Variants in TENM4 observed in about 807,000 individuals in gnomAD.
TENM4 encodes teneurin-4.
In TENM4, 82 loss-of-function variants were observed where a neutral mutation model predicts 243.3. The ratio of observed to expected loss-of-function variants is 0.34; its 90% CI spans 0.28 to 0.40. The LOEUF (loss-of-function observed/expected upper bound fraction) is 0.40. Ranked by LOEUF, TENM4 falls within the 10% of genes least tolerant of loss-of-function variation. The pLI, the probability that TENM4 is intolerant of heterozygous loss-of-function variation, is 1.00. For synonymous variants in TENM4, 1,412 were observed against 1,456.3 expected (o/e 0.97, Z 0.69); for missense variants, 3,138 against 3,673.3 (o/e 0.85, Z 3.77).
chr11:78,761,252 T>G (rs1856424816), intron 18 of TENM4, among the ~76,000 whole-genome samples: 1 of 151,950 alleles, frequency 6.6e-6, no homozygotes, highest in Non-Finnish European at 1.5e-5. Context: ...TTTTTCTTTT[T>G]TTTTTGAGAC....
At chr11:79,031,729 G>GC (rs1230767628) in intron 6 of TENM4, among the ~76,000 whole-genome samples, 5 of 152,216 alleles carry the variant, frequency 3.3e-5, no homozygotes, top group Non-Finnish European at 5.9e-5. Flanking sequence ...GGTTGGACAT[G>GC]CCCTCCCTTA....
At chr11:78,988,032 C>T (rs566589505) in intron 6 of TENM4, among the ~76,000 whole-genome samples, 39 of 152,278 alleles carry the variant, frequency 2.6e-4, no homozygotes, top group African/African-American at 9.1e-4. Context: ...ATATTCACGC[C>T]CTTGTATAAT....
At position 78,786,928 on chromosome 11, in the gene TENM4, G is replaced by A. The variant is rs1342210550; in HGVS notation, c.2335C>T (p.Pro779Ser). The A allele has an allele frequency of 6.2e-7, 1 of 1,609,088 alleles. No homozygotes were observed. The highest frequency in any genetic ancestry group is 8.5e-7 in the Non-Finnish European group (1 of 1,178,154). ...GTGCAGTGTTCGCCATTCCAGCCAG[G>A]GCTGCACTCGCACTTGCCGTCGCGG... ...TCRDGKCECS[P>S]GWNGEHCTIA... The change falls in exon 16 of 34, where the codon CCT becomes TCT. Residue 779 changes from proline to serine, a missense_variant. Pro to Ser is a moderately conservative substitution (Grantham distance 74). Coordinates refer to ENST00000278550, the MANE Select transcript of TENM4 (RefSeq NM_001098816.3).
At chr11:79,420,119 C>T (rs1478922521) in intron 1 of TENM4, among the ~76,000 whole-genome samples, 1 of 152,202 alleles carries the variant, frequency 6.6e-6, no homozygotes, top group African/African-American at 2.4e-5. Flanking sequence ...TCTTTTAGCT[C>T]CTTCAAGGAT....
At chr11:79,189,939 C>G (rs949785209) in intron 3 of TENM4, among the ~76,000 whole-genome samples, 7 of 152,188 alleles carry the variant, frequency 4.6e-5, no homozygotes, top group African/African-American at 1.4e-4. Context: ...AGAAATGCTT[C>G]AGAGGCAGTC....
intron 14 of TENM4, among the ~76,000 whole-genome samples, chr11:78,808,391 C>T (rs1857433650): frequency 1.3e-5 from 2 of 152,156 alleles, no homozygotes; most frequent in South Asian, 4.1e-4. Context: ...CTCTTCTCTG[C>T]CATATTTTGC....
Position 79,324,808 on chromosome 11 carries a change from A to G in TENM4, c.-320-27265T>C, listed in dbSNP as rs374052811. Among the ~76,000 whole-genome samples, 132 of 152,302 alleles carry G rather than the reference A, an allele frequency of 8.7e-4. 8 individuals carry two copies. In the South Asian group the frequency reaches 0.018, roughly 21 times the overall value. The stretch of plus-strand genomic sequence containing the variant: ...CTGCTGTCCCCCGGAGGCCATCTCC[A>G]TCAAGGGTTCATAGCAGAGGACACA... On this transcript the variant is annotated intron_variant, in intron 1 of 33. Coordinates refer to ENST00000278550, the MANE Select transcript of TENM4 (RefSeq NM_001098816.3).
chr11:79,429,174 G>T (rs1859115897), intron 1 of TENM4, among the ~76,000 whole-genome samples: 1 of 152,156 alleles, frequency 6.6e-6, no homozygotes, highest in African/African-American at 2.4e-5. Context: ...TTTGAGCCAG[G>T]ATCTGCTGTC....
intron 18 of TENM4, among the ~76,000 whole-genome samples, chr11:78,769,271 C>T (rs1449613744): frequency 6.6e-6 from 1 of 152,200 alleles, no homozygotes; most frequent in Non-Finnish European, 1.5e-5. Flanking sequence ...ATACACTTTG[C>T]CTTGTCTGAA....
At chr11:79,145,410 G>T (rs941055261) in intron 4 of TENM4, among the ~76,000 whole-genome samples, 1 of 151,948 alleles carries the variant, frequency 6.6e-6, no homozygotes, top group Admixed American at 6.6e-5. Flanking sequence ...CTCCTCCCTC[G>T]GGGGCAACCA....
chr11:79,365,184 G>C (rs1010852397), intron 1 of TENM4, among the ~76,000 whole-genome samples: 1 of 152,200 alleles, frequency 6.6e-6, no homozygotes, highest in Non-Finnish European at 1.5e-5. Flanking sequence ...TTTGAGCTGG[G>C]ATAAGCACTA....
chr11:78,877,804 T>C (rs183705793), intron 9 of TENM4, among the ~76,000 whole-genome samples: 22 of 152,352 alleles, frequency 1.4e-4, no homozygotes, highest in African/African-American at 5.0e-4. Context: ...CACATCTTGT[T>C]TGCCAGGGGG....
At chr11:78,804,401 A>G (rs911936818) in intron 15 of TENM4, among the ~76,000 whole-genome samples, 1 of 152,200 alleles carries the variant, frequency 6.6e-6, no homozygotes, top group African/African-American at 2.4e-5. Context: ...TTTGCTGTTT[A>G]AAGTATTATG....
intron 1 of TENM4, among the ~76,000 whole-genome samples, chr11:79,398,760 G>C (rs1199833467): frequency 4.5e-5 from 2 of 44,914 alleles, no homozygotes; most frequent in Non-Finnish European, 8.6e-5. Context: ...AAAAAAAAAA[G>C]AGTGCCACAG....
chr11:78,998,775 G>C (rs192797261), intron 6 of TENM4, among the ~76,000 whole-genome samples: 16 of 152,280 alleles, frequency 1.1e-4, no homozygotes, highest in Admixed American at 7.8e-4. Context: ...CAGGTAAGTG[G>C]GGAGGGCCAA....
At chr11:78,685,050 T>G (rs1445478196) in intron 29 of TENM4, among the ~76,000 whole-genome samples, 1 of 151,890 alleles carries the variant, frequency 6.6e-6, no homozygotes, top group Admixed American at 6.5e-5. Flanking sequence ...CTCTCCATCT[T>G]TCTCTCTCAC....
chr11:78,834,235 C>G (rs1340203104), intron 12 of TENM4, among the ~76,000 whole-genome samples: 1 of 152,010 alleles, frequency 6.6e-6, no homozygotes, highest in Non-Finnish European at 1.5e-5. Context: ...TGATCTATAC[C>G]CCTTTGTGTA....
At chr11:79,376,271 G>A in intron 1 of TENM4, among the ~76,000 whole-genome samples, 1 of 152,304 alleles carries the variant, frequency 6.6e-6, no homozygotes, top group East Asian at 1.9e-4. Context: ...AAGATAGTAG[G>A]TGAACTCAAA....
At position 78,676,264 on chromosome 11, in the gene TENM4, A is replaced by G. The variant is rs779214042; in HGVS notation, c.5384T>C (p.Val1795Ala). The G allele has an allele frequency of 5.6e-6, 9 of 1,612,576 alleles. No homozygotes were observed. Among genetic ancestry groups the G allele is most frequent in the Non-Finnish European group, 7.6e-6 (9 of 1,178,856 alleles). The part of the protein sequence containing the change: ...HLLAGTVNPT[V>A]GKRNVTLPID... ...GGGCAGCGTGACATTCCTCTTGCCC[A>G]CGGTGGGGTTGACGGTGCCAGCCAG... Residue 1795 changes from valine (V) to alanine (A), a missense_variant, in exon 30 of 34, where the codon GTG (valine) becomes GCG (alanine). Physicochemically the swap from Val to Ala is moderately conservative, Grantham distance 64. Around this residue, in one of 2 missense-constraint regions of TENM4, gnomAD observed 2,467 missense variants for 3,059.1 expected, o/e 0.81. Transcript: ENST00000278550.
Sources: allele counts gnomAD v4.1 joint callset (sites outside exome capture counted in the v4.1 genomes callset), GRCh38; gene constraint gnomAD v4.1.1; regional missense constraint gnomAD v4.1.1; transcripts MANE v1.5; gene names NCBI Gene and HGNC (gene_info 2026-07-23, HGNC 2026-07-21).